The following COBLL1 variants were observed in gnomAD, a reference collection of about 807,000 sequenced individuals.
COBLL1 encodes the protein cordon-bleu WH2 repeat protein like 1.
In COBLL1, 50 loss-of-function variants were observed where a neutral mutation model predicts 94.8. The ratio of observed to expected loss-of-function variants is 0.53; its 90% CI spans 0.42 to 0.67. The LOEUF is 0.67. Among genes scored for constraint, COBLL1 ranks in the 30% least tolerant of loss-of-function variants. The pLI is 0.00. For missense variants in COBLL1, 1,362 were observed against 1,348.7 expected, an observed-to-expected ratio of 1.01 and a Z score of -0.15; for synonymous variants, 448 against 473.8, an observed-to-expected ratio of 0.95 and a Z score of 0.71.
intron 2 of COBLL1, among the ~76,000 whole-genome samples, chr2:164,788,241 G>A (rs966804540): frequency 4.6e-5 from 7 of 152,190 alleles, no homozygotes; most frequent in Non-Finnish European, 1.5e-5. Context: ...CTAGTTCAGA[G>A]TGAGGCCACA....
chr2:164,695,778 T>C lies in COBLL1; in HGVS notation c.1614A>G (p.Gly538=). The C allele has an allele frequency of 1.2e-6, 2 of 1,611,230 alleles. No homozygotes were observed. Among genetic ancestry groups the C allele is most frequent in the Non-Finnish European group, 1.7e-6 (2 of 1,178,782 alleles). The part of the protein sequence containing the change: ...PENTEDNMKN[G]VKKTEINVEG... ...CTACATTGATTTCTGTTTTCTTCAC[T>C]CCATTTTTCATATTGTCTTCTGTGT... Residue 538 remains glycine, a synonymous_variant, in exon 12 of 14, where the codon GGA becomes GGG. Transcript: ENST00000652658.
chr2:164,756,731 T>C (rs1362652433), intron 2 of COBLL1, among the ~76,000 whole-genome samples: 3 of 152,070 alleles, frequency 2.0e-5, no homozygotes, highest in African/African-American at 4.8e-5. Flanking sequence ...ACAACATTAA[T>C]GCATTCCAGA....
chr2:164,816,164 A>AG (rs1191898793), intron 2 of COBLL1, among the ~76,000 whole-genome samples: 1 of 152,032 alleles, frequency 6.6e-6, no homozygotes, highest in Non-Finnish European at 1.5e-5. Context: ...GAAAGCTTCA[A>AG]GCAGAAGGTG....
intron 9 of COBLL1, among the ~76,000 whole-genome samples, chr2:164,702,687 C>T (rs1434844019): frequency 6.6e-6 from 1 of 151,648 alleles, no homozygotes. Context: ...GCTTTGTCAC[C>T]CAGGCTGGAG....
chr2:164,827,834 C>T (rs1270601859), intron 2 of COBLL1, among the ~76,000 whole-genome samples: 1 of 152,102 alleles, frequency 6.6e-6, no homozygotes, highest in Admixed American at 6.5e-5. Context: ...CCCTTTATGT[C>T]TTGTTAAACA....
chr2:164,806,490 C>T (rs1684163130), intron 2 of COBLL1, among the ~76,000 whole-genome samples: 1 of 152,062 alleles, frequency 6.6e-6, no homozygotes, highest in Non-Finnish European at 1.5e-5. Context: ...TAGAAATGTA[C>T]TCACTATGTA....
chr2:164,694,369 C>G lies in COBLL1; in HGVS notation c.3023G>C (p.Ser1008Thr), dbSNP rs1318483217. Residue 1008 changes from serine to threonine, a missense_variant, in exon 12 of 14, where the codon AGT (serine) becomes ACT (threonine). Coordinates refer to ENST00000652658, the MANE Select transcript of COBLL1 (RefSeq NM_001365672.2). ...TGGAGGTTGGACCAATGCACTGGCA[C>G]TAGGTGACTCGGTGCGCTCTTTACT... is the stretch of plus-strand genomic sequence containing the variant. ...SFSKERTESPSASALVQPPAN... is the reference protein window; with the variant it reads ...SFSKERTESPTASALVQPPAN... 4 of 1,613,884 alleles carry G rather than the reference C, an allele frequency of 2.5e-6. No homozygotes were observed. The highest frequency in any genetic ancestry group is 3.3e-5 in the Admixed American group (2 of 59,966).
Position 164,706,284 on chromosome 2 carries a change from A to T in COBLL1, c.997-1179T>A, listed in dbSNP as rs559679689. ...AAATACATTATTTTTCTTCCAGGAG[A>T]CCACATTTCTTACTCTCTATAGATC... On this transcript the variant is annotated intron_variant, in intron 7 of 13. Transcript: ENST00000652658. Among the ~76,000 whole-genome samples the T allele has an allele frequency of 5.3e-5, 8 of 152,226 alleles. No homozygotes were observed. The East Asian group carries it at 1.5e-3, about 29-fold the overall frequency.
At chr2:164,835,484 G>T (rs10193185) in intron 2 of COBLL1, among the ~76,000 whole-genome samples, 31,345 of 152,076 alleles carry the variant, frequency 0.21, 3,339 homozygotes, top group Middle Eastern at 0.28. Context: ...GTTTTCAGGG[G>T]CTGGAGAAAG....
intron 2 of COBLL1, among the ~76,000 whole-genome samples, chr2:164,752,316 G>T (rs1350579715): frequency 6.6e-6 from 1 of 152,174 alleles, no homozygotes; most frequent in African/African-American, 2.4e-5. Context: ...TCCTTAGCCA[G>T]TAAGTGGTGG....
intron 2 of COBLL1, among the ~76,000 whole-genome samples, chr2:164,777,500 G>C (rs570761107): frequency 6.6e-6 from 1 of 152,160 alleles, no homozygotes; most frequent in Admixed American, 6.5e-5. Context: ...ATGCACCTGA[G>C]GATTCCAGGC....
In COBLL1 at chr2:164,694,499, T is replaced by C. The variant is rs762596683; in HGVS notation, c.2893A>G (p.Thr965Ala). 3.1e-6 allele frequency: 5 copies of C among 1,613,974 alleles called. 1 individual carries two copies. In the South Asian group the frequency reaches 4.4e-5, roughly 14 times the overall value. ...GTTTTCAAAGTCTTCAGATTTTGTG[T>C]GGATACCTGACTAGCAGGAATTGTC... Reference protein sequence around the residue: ...PVTIPASQVSTQNLKTLKTFG... With the variant: ...PVTIPASQVSAQNLKTLKTFG... Residue 965 changes from threonine (T) to alanine (A), a missense_variant, in exon 12 of 14, where the codon ACA becomes GCA. Thr to Ala is a moderately conservative substitution (Grantham distance 58). Transcript: ENST00000652658.
In COBLL1 at chr2:164,692,360, AT is replaced by A; in HGVS notation, c.3160del (p.Ile1054TyrfsTer13). 1.9e-6 allele frequency: 3 copies of A among 1,612,802 alleles called. No homozygotes were observed. Among genetic ancestry groups the A allele is most frequent in the Non-Finnish European group, 2.5e-6 (3 of 1,179,348 alleles). Reference sequence around the variant, plus strand: ...TGATGGGCCATCAGTTGGAGTTGGTATTTGGGAATTCTGTTCATTATGTGCA... The same window carrying A: ...TGATGGGCCATCAGTTGGAGTTGGTATTGGGAATTCTGTTCATTATGTGCA... ...NSAHNEQNSQ[I>X]PTPTDGPSFT... On this transcript the variant is annotated frameshift_variant, in exon 13 of 14. Coordinates refer to ENST00000652658, the MANE Select transcript of COBLL1 (RefSeq NM_001365672.2). LOFTEE classifies it high-confidence loss of function.
chr2:164,836,960 T>C (rs1683344964), intron 2 of COBLL1, among the ~76,000 whole-genome samples: 1 of 152,200 alleles, frequency 6.6e-6, no homozygotes, highest in South Asian at 2.1e-4. Context: ...TGTTGAAACC[T>C]CAGAGAAGTC....
At chr2:164,714,178 C>A (rs1181332056) in intron 7 of COBLL1, among the ~76,000 whole-genome samples, 3 of 147,924 alleles carry the variant, frequency 2.0e-5, no homozygotes, top group Non-Finnish European at 4.5e-5. Flanking sequence ...CACACACACA[C>A]ACATTAAAAA....
intron 3 of COBLL1, among the ~76,000 whole-genome samples, chr2:164,734,147 G>T (rs770725530): frequency 6.6e-6 from 1 of 150,772 alleles, no homozygotes; most frequent in South Asian, 2.1e-4. Context: ...TTATGAAACT[G>T]ATCTAGAGAG....
At chr2:164,837,416 G>A in intron 2 of COBLL1, 1 of 456,878 alleles carries the variant, frequency 2.2e-6, no homozygotes, top group Non-Finnish European at 4.5e-6. Context: ...CCACGTTAGA[G>A]AAGGAAATTA....
rs1473853981 is a variant in COBLL1 at position 164,692,335 on chromosome 2, T to A, written c.3186A>T (p.Ser1062=). The A allele has an allele frequency of 6.2e-7, 1 of 1,613,592 alleles. No individual in the cohort carries two copies. Among genetic ancestry groups the A allele is most frequent in the Non-Finnish European group, 8.5e-7 (1 of 1,179,642 alleles). ...AAGAACTTTGTCTCATAACAGTGAATGATGGGCCATCAGTTGGAGTTGGTA... is the reference window on the plus strand; with the variant it reads ...AAGAACTTTGTCTCATAACAGTGAAAGATGGGCCATCAGTTGGAGTTGGTA... The part of the protein sequence containing the change: ...SQIPTPTDGP[S]FTVMRQSSLT... The change falls in exon 13 of 14, where the codon TCA becomes TCT. Residue 1062 remains serine, a synonymous_variant. Coordinates refer to ENST00000652658, the MANE Select transcript of COBLL1 (RefSeq NM_001365672.2).
intron 7 of COBLL1, among the ~76,000 whole-genome samples, chr2:164,718,536 A>G (rs572214329): frequency 1.3e-5 from 2 of 152,310 alleles, no homozygotes; most frequent in South Asian, 2.1e-4. Flanking sequence ...TTATCTCTGG[A>G]AAGACACACA....
Sources: allele counts gnomAD v4.1 joint callset (sites outside exome capture counted in the v4.1 genomes callset), GRCh38; gene constraint gnomAD v4.1.1; transcripts MANE v1.5; gene names NCBI Gene and HGNC (gene_info 2026-07-23, HGNC 2026-07-21).